The following SGCZ variants were observed in gnomAD, a reference collection of about 807,000 sequenced individuals.
The protein encoded by SGCZ is zeta-sarcoglycan.
In SGCZ, 40 loss-of-function variants were observed where a neutral mutation model predicts 41.3. The ratio of observed to expected loss-of-function variants is 0.97; its 90% CI spans 0.75 to 1.26. The LOEUF is 1.26. Among genes scored for constraint, SGCZ ranks in the 50% most tolerant of loss-of-function variants. SGCZ has a pLI of 0.00. For synonymous variants in SGCZ, 206 were observed against 137.5 expected, an observed-to-expected ratio of 1.50 and a Z score of -3.49; for missense variants, 552 against 369.8, an observed-to-expected ratio of 1.49 and a Z score of -4.04.
chr8:14,881,736 A>G (rs1297425327), intron 1 of SGCZ, among the ~76,000 whole-genome samples: 1 of 152,240 alleles, frequency 6.6e-6, no homozygotes, highest in Non-Finnish European at 1.5e-5. Flanking sequence ...TGTACCTGAT[A>G]GGTATCAACA....
At chr8:14,610,725 T>C (rs1271022511) in intron 1 of SGCZ, among the ~76,000 whole-genome samples, 1 of 152,162 alleles carries the variant, frequency 6.6e-6, no homozygotes, top group Non-Finnish European at 1.5e-5. Flanking sequence ...TTGCATCTGT[T>C]GTAAGACATA....
At chr8:14,624,555 A>ATTATTATTTTTTTTTTTTTTTTTTTT (rs1438250019) in intron 1 of SGCZ, among the ~76,000 whole-genome samples, 1 of 96,266 alleles carries the variant, frequency 1.0e-5, no homozygotes, top group African/African-American at 4.0e-5. Flanking sequence ...TATTATTATT[A>ATTATTATTTTTTTTTTTTTTTTTTTT]TTTTTTTTTT....
chr8:14,819,506 T>A (rs1802008579), intron 1 of SGCZ, among the ~76,000 whole-genome samples: 1 of 152,046 alleles, frequency 6.6e-6, no homozygotes, highest in Admixed American at 6.6e-5. Flanking sequence ...ACTGCAAACA[T>A]GAGAAGGATA....
At chr8:14,780,230 C>T (rs1401519306) in intron 1 of SGCZ, among the ~76,000 whole-genome samples, 1 of 151,866 alleles carries the variant, frequency 6.6e-6, no homozygotes, top group East Asian at 1.9e-4. Context: ...AAAAAATTAG[C>T]CTGGTGTGGT....
chr8:14,339,353 C>T (rs1216372658), intron 2 of SGCZ, among the ~76,000 whole-genome samples: 1 of 152,150 alleles, frequency 6.6e-6, no homozygotes, highest in Non-Finnish European at 1.5e-5. Context: ...AAAACAATTG[C>T]TGAGAATGGT....
At chr8:14,673,343 C>T (rs1415535642) in intron 1 of SGCZ, among the ~76,000 whole-genome samples, 1 of 152,152 alleles carries the variant, frequency 6.6e-6, no homozygotes, top group Non-Finnish European at 1.5e-5. Context: ...CCATGCTATT[C>T]TCATGATAAT....
intron 1 of SGCZ, among the ~76,000 whole-genome samples, chr8:14,787,901 T>C (rs912084345): frequency 1.6e-4 from 25 of 152,194 alleles, no homozygotes; most frequent in African/African-American, 6.0e-4. Flanking sequence ...AGCCAAATGT[T>C]TCAGTATCAA....
intron 2 of SGCZ, among the ~76,000 whole-genome samples, chr8:14,426,733 G>T (rs141464860): frequency 5.3e-5 from 8 of 152,084 alleles, no homozygotes; most frequent in Non-Finnish European, 1.2e-4. Context: ...CTCACAGCAG[G>T]CAACTGGAAG....
chr8:14,150,608 T>G (rs1375689320), intron 5 of SGCZ, among the ~76,000 whole-genome samples: 1 of 152,108 alleles, frequency 6.6e-6, no homozygotes, highest in Non-Finnish European at 1.5e-5. Flanking sequence ...GGAGAACAGT[T>G]TGGAGCCTCC....
At chr8:14,729,817 G>A (rs1362501195) in intron 1 of SGCZ, among the ~76,000 whole-genome samples, 3 of 152,180 alleles carry the variant, frequency 2.0e-5, no homozygotes, top group African/African-American at 7.2e-5. Flanking sequence ...AGGCATGGTG[G>A]CTCACACCTG....
chr8:14,783,582 T>G (rs1267803397), intron 1 of SGCZ, among the ~76,000 whole-genome samples: 1 of 152,300 alleles, frequency 6.6e-6, no homozygotes, highest in South Asian at 2.1e-4. Flanking sequence ...TAATAATTTT[T>G]TTTTCCTTCA....
intron 1 of SGCZ, among the ~76,000 whole-genome samples, chr8:14,612,390 C>T (rs1420788736): frequency 1.3e-5 from 2 of 152,200 alleles, no homozygotes; most frequent in East Asian, 1.9e-4. Flanking sequence ...TTCCCCTTCA[C>T]CTTCTGCCGT....
chr8:14,151,755 C>G (rs542393154), intron 5 of SGCZ, among the ~76,000 whole-genome samples: 1 of 152,114 alleles, frequency 6.6e-6, no homozygotes, highest in East Asian at 1.9e-4. Flanking sequence ...GTCAGAAAGA[C>G]AGATATTCTG....
rs562406996 is a variant in SGCZ at position 15,206,316 on chromosome 8, G to T, written c.39+31269C>A. Among the ~76,000 whole-genome samples, 20 of 152,198 alleles carry T rather than the reference G, an allele frequency of 1.3e-4. No homozygotes were observed. In the South Asian group the frequency reaches 4.2e-3, roughly 32 times the overall value. Reference sequence around the variant, plus strand: ...TGAGTTGGTTGTGAGCAGTACAAAGGGGTTTCTAGGAAGGGCACCATCAAG... The same window carrying T: ...TGAGTTGGTTGTGAGCAGTACAAAGTGGTTTCTAGGAAGGGCACCATCAAG... On this transcript the variant is annotated intron_variant, in intron 1 of 7. Transcript: ENST00000382080.
chr8:14,694,530 T>C (rs1006118207), intron 1 of SGCZ, among the ~76,000 whole-genome samples: 4 of 152,152 alleles, frequency 2.6e-5, no homozygotes, highest in Non-Finnish European at 4.4e-5. Flanking sequence ...GAGTAAAAAT[T>C]TGATCCTAGG....
At chr8:14,309,340 CA>C in intron 3 of SGCZ, 1 of 1,602,602 alleles carries the variant, frequency 6.2e-7, no homozygotes, top group South Asian at 1.1e-5. Flanking sequence ...ATGAGAAAAA[CA>C]AATGGGGAGG....
intron 1 of SGCZ, among the ~76,000 whole-genome samples, chr8:14,737,057 C>A (rs983311679): frequency 6.7e-6 from 1 of 148,524 alleles, no homozygotes; most frequent in Non-Finnish European, 1.5e-5. Flanking sequence ...AGCTATATAT[C>A]TATATAACAG....
At chr8:14,619,675 T>G (rs1232197448) in intron 1 of SGCZ, among the ~76,000 whole-genome samples, 2 of 151,926 alleles carry the variant, frequency 1.3e-5, no homozygotes, top group Non-Finnish European at 2.9e-5. Context: ...AAATCATGAG[T>G]GAACTCCCAT....
chr8:14,837,600 G>A (rs1450650685), intron 1 of SGCZ, among the ~76,000 whole-genome samples: 1 of 152,112 alleles, frequency 6.6e-6, no homozygotes, highest in Non-Finnish European at 1.5e-5. Context: ...TGAAGAAAGT[G>A]GTAGGCCTAC....
Sources: gnomAD v4.1 joint callset for allele counts (sites outside exome capture counted in the v4.1 genomes callset) on GRCh38, gnomAD v4.1.1 for gene constraint, MANE v1.5 for transcripts, NCBI Gene and HGNC (gene_info 2026-07-23, HGNC 2026-07-21) for gene names.